The following AK4 variants were observed in gnomAD, a reference collection of about 807,000 sequenced individuals.
AK4 encodes the protein adenylate kinase 4, mitochondrial.
In AK4, 13 loss-of-function variants were observed where a neutral mutation model predicts 24.6. The ratio of observed to expected loss-of-function variants is 0.53; its 90% CI spans 0.34 to 0.84. AK4 has a LOEUF of 0.84. Among genes scored for constraint, AK4 ranks in the 40% least tolerant of loss-of-function variants. The pLI is 0.01. For missense variants in AK4, 192 were observed against 288.2 expected (o/e 0.67, Z 2.42); for synonymous variants, 88 against 107.0 (o/e 0.82, Z 1.10).
intron 1 of AK4, among the ~76,000 whole-genome samples, chr1:65,179,212 C>T (rs1345479796): frequency 1.3e-5 from 2 of 152,202 alleles, no homozygotes; most frequent in African/African-American, 4.8e-5. Context: ...CAGGTATTTC[C>T]TTACAGTCAG....
Position 65,197,667 on chromosome 1 carries a change from C to T in AK4, c.265+6838C>T, listed in dbSNP as rs1185723802. ...TTCAGACTTGAGATGTTCCTGGCTA[C>T]GCACTCACTTAGAGCCCTTGGTGTA... is the stretch of plus-strand genomic sequence containing the variant. On this transcript the variant is annotated intron_variant, in intron 2 of 4. Coordinates refer to ENST00000327299, the MANE Select transcript of AK4 (RefSeq NM_013410.4). Among the ~76,000 whole-genome samples, 7 of 152,204 alleles carry T rather than the reference C, an allele frequency of 4.6e-5. No homozygotes were observed. In the South Asian group the frequency reaches 6.2e-4, roughly 14 times the overall value.
rs749490459 is a variant in AK4, at chr1:65,230,312, G to A, written c.*4135G>A. ...TCCTGCTATTTAAGATGTTGAGACC[G>A]GATAACTTTAGAAAGATACCTGCAC... is the stretch of plus-strand genomic sequence containing the variant. On this transcript the variant is annotated 3_prime_UTR_variant, in exon 5 of 5. Coordinates refer to ENST00000327299, the MANE Select transcript of AK4 (RefSeq NM_013410.4). The A allele has an allele frequency of 3.9e-5, 6 of 152,086 alleles. No individual in the cohort carries two copies. The highest frequency in any genetic ancestry group is 1.9e-4 in the East Asian group (1 of 5,190). 9.4% of individuals were successfully genotyped at this position (152,086 alleles called of 1,614,324 possible). A position where few individuals can be genotyped will look rare whatever the true frequency, so the allele number is the denominator to read the frequency against.
intron 2 of AK4, among the ~76,000 whole-genome samples, chr1:65,200,317 G>A (rs113515335): frequency 0.067 from 10,161 of 152,160 alleles, 657 homozygotes; most frequent in African/African-American, 0.17. Context: ...GTTTCACTCT[G>A]TTGGCCAGGC....
At chr1:65,158,740 CA>C (rs778454945) in intron 1 of AK4, among the ~76,000 whole-genome samples, 42 of 152,224 alleles carry the variant, frequency 2.8e-4, no homozygotes, top group Middle Eastern at 3.4e-3. Context: ...CTCCTGACCT[CA>C]GGTGATCCAC....
At chr1:65,156,272 A>G (rs1056396727) in intron 1 of AK4, among the ~76,000 whole-genome samples, 1 of 152,130 alleles carries the variant, frequency 6.6e-6, no homozygotes, top group African/African-American at 2.4e-5. Context: ...CCACAGGGGT[A>G]TCTGCTTTTA....
chr1:65,150,141 A>C (rs1570051542), intron 1 of AK4, among the ~76,000 whole-genome samples: 1 of 152,144 alleles, frequency 6.6e-6, no homozygotes, highest in East Asian at 1.9e-4. Flanking sequence ...AGGGCTTCAC[A>C]CTGTCCATCC....
intron 2 of AK4, among the ~76,000 whole-genome samples, chr1:65,215,140 A>ATT (rs1350191731): frequency 1.4e-5 from 2 of 140,812 alleles, no homozygotes; most frequent in African/African-American, 6.2e-5. Context: ...ATCATCATTG[A>ATT]TTTTTTTTCT....
At chr1:65,148,894 T>A (rs6701727) in intron 1 of AK4, 1 of 183,496 alleles carries the variant, frequency 5.4e-6, no homozygotes, top group East Asian at 1.4e-4. Flanking sequence ...GGCAGAGCCG[T>A]CCCCGTACCC....
At chr1:65,161,501 C>T (rs1302798579) in intron 1 of AK4, among the ~76,000 whole-genome samples, 3 of 152,142 alleles carry the variant, frequency 2.0e-5, no homozygotes, top group Non-Finnish European at 4.4e-5. Flanking sequence ...TAATGCCTTT[C>T]ACACTTCTTT....
intron 1 of AK4, among the ~76,000 whole-genome samples, chr1:65,178,467 G>A (rs773826151): frequency 6.6e-6 from 1 of 152,152 alleles, no homozygotes; most frequent in East Asian, 1.9e-4. Context: ...TCAGCTGGGG[G>A]CCCACAGGGC....
At position 65,226,049 on chromosome 1, in the gene AK4, G is replaced by A. The variant is rs151106010; in HGVS notation, c.558-14G>A. On this transcript the variant is annotated splice_polypyrimidine_tract_variant and intron_variant, in intron 4 of 4. Transcript: ENST00000327299. ...AACCTAAAAAGCCATTGTATGTTGG[G>A]CTTTGTTTTTCAGGAGCCGAGGAGT... is the stretch of plus-strand genomic sequence containing the variant. 1.3e-3 allele frequency: 2,030 copies of A among 1,611,792 alleles called. 30 individuals carry two copies. The African/African-American group carries it at 0.024, about 19-fold the overall frequency.
At chr1:65,165,561 G>GAA (rs56293121) in intron 1 of AK4, among the ~76,000 whole-genome samples, 2 of 134,524 alleles carry the variant, frequency 1.5e-5, no homozygotes, top group Non-Finnish European at 1.6e-5. Context: ...CCCATGTCTG[G>GAA]AAAAAAAAAA....
At chr1:65,152,352 CTCTCTCTCTATATA>C (rs1342114663) in intron 1 of AK4, among the ~76,000 whole-genome samples, 445 of 42,748 alleles carry the variant, frequency 0.01, 2 homozygotes, top group East Asian at 0.037. Context: ...CTCTCTCTCT[CTCTCTCTCTATATA>C]TATATATATA....
At chr1:65,171,339 C>T (rs1415359975) in intron 1 of AK4, among the ~76,000 whole-genome samples, 1 of 126,414 alleles carries the variant, frequency 7.9e-6, no homozygotes, top group African/African-American at 3.2e-5. Flanking sequence ...CAGAGTCTCC[C>T]TCTGTTGCCT....
intron 1 of AK4, among the ~76,000 whole-genome samples, chr1:65,183,934 A>G (rs1651001403): frequency 6.6e-6 from 1 of 152,198 alleles, no homozygotes; most frequent in African/African-American, 2.4e-5. Flanking sequence ...GAGGCTAACA[A>G]AATATCTTTC....
intron 1 of AK4, among the ~76,000 whole-genome samples, chr1:65,155,514 G>A (rs1649948420): frequency 6.6e-6 from 1 of 151,982 alleles, no homozygotes; most frequent in Non-Finnish European, 1.5e-5. Context: ...ATTTAGGTAT[G>A]GATATATGTA....
At chr1:65,154,843 A>G (rs1286914300) in intron 1 of AK4, among the ~76,000 whole-genome samples, 1 of 142,970 alleles carries the variant, frequency 7.0e-6, no homozygotes, top group East Asian at 2.2e-4. Flanking sequence ...AACTTAAATC[A>G]TAGGGAGAAT....
At position 65,148,295 on chromosome 1, in the gene AK4, C is replaced by G; in HGVS notation, c.-113C>G. The G allele has an allele frequency of 7.1e-7, 1 of 1,408,800 alleles. No individual in the cohort carries two copies. Among genetic ancestry groups the G allele is most frequent in the Non-Finnish European group, 9.3e-7 (1 of 1,070,322 alleles). The allele number at this position is 1,408,800 out of a possible 1,614,324, so 87.3% of individuals were successfully genotyped here. A position where few individuals can be genotyped will look rare whatever the true frequency, so the allele number is the denominator to read the frequency against. ...CCCTGTAGGGGCGGCCGGCGAGTCC[C>G]AGTGAGAGCGGAGGGTGCCAGAGGT... is the stretch of plus-strand genomic sequence containing the variant. On this transcript the variant is annotated 5_prime_UTR_variant, in exon 1 of 5. Coordinates refer to ENST00000327299, the MANE Select transcript of AK4 (RefSeq NM_013410.4).
intron 1 of AK4, among the ~76,000 whole-genome samples, chr1:65,166,356 C>T (rs886436265): frequency 7.5e-6 from 1 of 132,772 alleles, no homozygotes; most frequent in Admixed American, 7.6e-5. Context: ...GTGTGTTTAC[C>T]ACCCAGCAGA....
Sources: gnomAD v4.1 joint callset for allele counts (sites outside exome capture counted in the v4.1 genomes callset) on GRCh38, gnomAD v4.1.1 for gene constraint, MANE v1.5 for transcripts, NCBI Gene and HGNC (gene_info 2026-07-23, HGNC 2026-07-21) for gene names.